Variants in DLG2 observed in about 807,000 individuals in gnomAD.
DLG2 encodes the protein disks large homolog 2.
DLG2 carries 45 observed loss-of-function variants against 132.5 expected under a neutral mutation model. The ratio of observed to expected loss-of-function variants is 0.34; its 90% CI spans 0.27 to 0.44. DLG2 has a LOEUF of 0.44. DLG2 is among the 20% of genes least tolerant of loss of function. DLG2 has a pLI of 1.00. For missense variants in DLG2, 1,045 were observed against 1,196.9 expected (o/e 0.87, Z 1.87); for synonymous variants, 424 against 419.6 (o/e 1.01, Z -0.13).
At chr11:84,369,320 C>G (rs974264449) in intron 7 of DLG2, among the ~76,000 whole-genome samples, 3 of 152,020 alleles carry the variant, frequency 2.0e-5, no homozygotes, top group Non-Finnish European at 2.9e-5. Context: ...GCTACTCTGT[C>G]TCTTCAAAAA....
Position 84,663,247 on chromosome 11 carries a change from ATATTT to A in DLG2, c.358-128521_358-128517del, listed in dbSNP as rs1436087730. On this transcript the variant is annotated intron_variant, in intron 6 of 27. Transcript: ENST00000376104. ...TTACAGGTTATATATATATATATAT[ATATTT>A]TTTTTTCATATATTCTGCATGGTCT... Among the ~76,000 whole-genome samples, 173 of 79,652 alleles carry A rather than the reference ATATTT, an allele frequency of 2.2e-3. 2 individuals carry two copies. Among genetic ancestry groups the A allele is most frequent in the Middle Eastern group, 0.012 (2 of 164 alleles). 52.3% of individuals were successfully genotyped at this position (79,652 alleles called of 152,430 possible).
chr11:84,293,283 T>C (rs1423100311), intron 7 of DLG2, among the ~76,000 whole-genome samples: 2 of 152,140 alleles, frequency 1.3e-5, no homozygotes, highest in Non-Finnish European at 2.9e-5. Context: ...TGCAAGTAGA[T>C]TTAGTCATTG....
At chr11:84,566,196 C>G (rs2099454698) in intron 6 of DLG2, among the ~76,000 whole-genome samples, 1 of 152,020 alleles carries the variant, frequency 6.6e-6, no homozygotes. Flanking sequence ...CTCCTGACCT[C>G]AATTGATCCA....
chr11:83,786,331 T>C (rs999623688), intron 18 of DLG2: 9 of 197,812 alleles, frequency 4.5e-5, no homozygotes, highest in African/African-American at 2.1e-4. Flanking sequence ...TACTGGTCTA[T>C]TTCTGCAGAT....
intron 6 of DLG2, among the ~76,000 whole-genome samples, chr11:84,676,126 T>C (rs1448305287): frequency 6.6e-6 from 1 of 152,068 alleles, no homozygotes; most frequent in East Asian, 1.9e-4. Flanking sequence ...ACTGATACAG[T>C]TTCCAGAATA....
At chr11:84,496,347 CAG>C (rs941561647) in intron 7 of DLG2, among the ~76,000 whole-genome samples, 1 of 152,106 alleles carries the variant, frequency 6.6e-6, no homozygotes, top group African/African-American at 2.4e-5. Context: ...TGTGTGTTTT[CAG>C]AGAGACAAAG....
At chr11:84,378,857 A>C (rs1216695776) in intron 7 of DLG2, among the ~76,000 whole-genome samples, 1 of 152,058 alleles carries the variant, frequency 6.6e-6, no homozygotes, top group Non-Finnish European at 1.5e-5. Context: ...AGGAAGAAAA[A>C]ATCGTTTGAA....
Position 85,015,615 on chromosome 11 carries a change from T to C in DLG2, c.357+96046A>G, listed in dbSNP as rs548108536. On this transcript the variant is annotated intron_variant, in intron 6 of 27. Transcript: ENST00000376104. ...AAAAAGAGCAAAAGCTTGAAAAAGA[T>C]GAAAAGAACACAATTTACAGATATT... 2.0e-5 allele frequency among the ~76,000 whole-genome samples: 3 copies of C among 152,270 alleles called. No individual in the cohort carries two copies. The East Asian group carries it at 5.8e-4, about 29-fold the overall frequency.
chr11:85,430,848 C>CAAAA (rs34643624), intron 3 of DLG2, among the ~76,000 whole-genome samples: 1 of 131,098 alleles, frequency 7.6e-6, no homozygotes, highest in Non-Finnish European at 1.6e-5. Context: ...GCTAGCCAGT[C>CAAAA]AAAAAAAAAA....
intron 3 of DLG2, among the ~76,000 whole-genome samples, chr11:85,490,058 T>C (rs1441580423): frequency 6.6e-6 from 1 of 152,062 alleles, no homozygotes; most frequent in Non-Finnish European, 1.5e-5. Flanking sequence ...TGCAGTGGTA[T>C]GTACCTGTAG....
intron 3 of DLG2, among the ~76,000 whole-genome samples, chr11:85,289,446 G>A (rs918450430): frequency 6.6e-6 from 1 of 152,054 alleles, no homozygotes; most frequent in African/African-American, 2.4e-5. Context: ...TGAAGTCAGA[G>A]ATCTAAATAT....
At chr11:84,124,847 C>CTTTTTTTTT (rs34177526) in intron 9 of DLG2, among the ~76,000 whole-genome samples, 1 of 121,230 alleles carries the variant, frequency 8.2e-6, no homozygotes, top group Non-Finnish European at 1.6e-5. Flanking sequence ...CTTGTTTTCA[C>CTTTTTTTTT]TTTTTTTTTT....
chr11:85,374,965 AACAC>A (rs550374938), intron 3 of DLG2, among the ~76,000 whole-genome samples: 1 of 150,832 alleles, frequency 6.6e-6, no homozygotes, highest in Non-Finnish European at 1.5e-5. Flanking sequence ...TTATTCAGCA[AACAC>A]ACACACACAC....
chr11:83,556,613 G>C (rs1024959582), intron 19 of DLG2, among the ~76,000 whole-genome samples: 3 of 152,028 alleles, frequency 2.0e-5, no homozygotes, highest in African/African-American at 7.2e-5. Context: ...CTCAAGTGAT[G>C]CTCCTGTCTC....
chr11:84,553,306 A>G (rs1275539545), intron 6 of DLG2, among the ~76,000 whole-genome samples: 1 of 152,220 alleles, frequency 6.6e-6, no homozygotes, highest in African/African-American at 2.4e-5. Context: ...GCACTGTAAT[A>G]GACCCTGGTA....
At chr11:83,609,816 T>C (rs549467723) in intron 19 of DLG2, among the ~76,000 whole-genome samples, 79 of 152,372 alleles carry the variant, frequency 5.2e-4, no homozygotes, top group Admixed American at 1.2e-3. Context: ...TACTGAATTT[T>C]TCTTATTAAT....
In DLG2 at chr11:85,394,832, T is replaced by C. The variant is rs536458811; in HGVS notation, c.41-109467A>G. 4.6e-5 allele frequency among the ~76,000 whole-genome samples: 7 copies of C among 152,300 alleles called. No individual in the cohort carries two copies. In the South Asian group the frequency reaches 1.5e-3, roughly 32 times the overall value. On this transcript the variant is annotated intron_variant, in intron 3 of 27. Transcript: ENST00000376104. The stretch of plus-strand genomic sequence containing the variant: ...TGAATGCCTCCTAATTCCTACTTCA[T>C]TTACTGTTCTTAGTGTAAGAACATG...
At chr11:83,583,651 T>C (rs763134388) in intron 19 of DLG2, among the ~76,000 whole-genome samples, 15 of 152,194 alleles carry the variant, frequency 9.9e-5, no homozygotes, top group African/African-American at 3.4e-4. Flanking sequence ...AGTTTTACCA[T>C]AGGGATTTCA....
chr11:84,962,091 G>T (rs2052661273), intron 6 of DLG2, among the ~76,000 whole-genome samples: 1 of 152,226 alleles, frequency 6.6e-6, no homozygotes, highest in Admixed American at 6.5e-5. Flanking sequence ...AATGGCAATG[G>T]CAACGGCCCA....
Sources: allele counts gnomAD v4.1 joint callset (sites outside exome capture counted in the v4.1 genomes callset), GRCh38; gene constraint gnomAD v4.1.1; transcripts MANE v1.5; gene names NCBI Gene and HGNC (gene_info 2026-07-23, HGNC 2026-07-21).